Variants in ASTN2 observed in about 807,000 individuals in gnomAD.
ASTN2 encodes astrotactin-2.
In ASTN2, 54 loss-of-function variants were observed where a neutral mutation model predicts 139.8. The observed-to-expected ratio is 0.39, with a 90% CI of 0.31 to 0.48. The LOEUF (loss-of-function observed/expected upper bound fraction) is 0.48. Among genes scored for constraint, ASTN2 ranks in the 20% least tolerant of loss-of-function variants. ASTN2 has a pLI of 0.95. For missense variants in ASTN2, 1,565 were observed against 1,725.1 expected, an observed-to-expected ratio of 0.91 and a Z score of 1.64; for synonymous variants, 756 against 719.5, an observed-to-expected ratio of 1.05 and a Z score of -0.81.
At chr9:116,967,921 C>T (rs184102898) in intron 10 of ASTN2, among the ~76,000 whole-genome samples, 3 of 152,324 alleles carry the variant, frequency 2.0e-5, no homozygotes, top group African/African-American at 7.2e-5. Context: ...TTATACCGCT[C>T]TGAACCATGA....
Position 117,099,705 on chromosome 9 carries a change from C to G in ASTN2, c.1169-3554G>C, listed in dbSNP as rs535154972. Reference sequence around the variant, plus strand: ...AGAAATTAAATATTTTGTCCAGGGTCACAGCTTGTAAGTAGCAGAACCACG... The same window carrying G: ...AGAAATTAAATATTTTGTCCAGGGTGACAGCTTGTAAGTAGCAGAACCACG... On this transcript the variant is annotated intron_variant, in intron 4 of 22. Coordinates refer to ENST00000313400, the MANE Select transcript of ASTN2 (RefSeq NM_001365068.1). Among the ~76,000 whole-genome samples, 48 of 152,264 alleles carry G rather than the reference C, an allele frequency of 3.2e-4. No homozygotes were observed. In the Middle Eastern group the frequency reaches 0.01, roughly 32 times the overall value.
chr9:117,301,101 AATAG>A (rs1274872216), intron 1 of ASTN2, among the ~76,000 whole-genome samples: 5 of 152,186 alleles, frequency 3.3e-5, no homozygotes, highest in Non-Finnish European at 1.5e-5. Flanking sequence ...TAGATTTGGA[AATAG>A]ATAGAGGGTT....
intron 4 of ASTN2, among the ~76,000 whole-genome samples, chr9:117,099,626 A>G (rs778568497): frequency 2.0e-4 from 30 of 152,192 alleles, no homozygotes; most frequent in Non-Finnish European, 3.4e-4. Context: ...GAACCCTAGG[A>G]GATAGGTTAC....
chr9:116,766,803 T>TC (rs1829822383), intron 13 of ASTN2, among the ~76,000 whole-genome samples: 1 of 149,878 alleles, frequency 6.7e-6, no homozygotes, highest in Non-Finnish European at 1.5e-5. Flanking sequence ...CACACACACA[T>TC]TCATACACAT....
intron 2 of ASTN2, among the ~76,000 whole-genome samples, chr9:117,283,325 G>C (rs2130770269): frequency 6.6e-6 from 1 of 152,264 alleles, no homozygotes; most frequent in South Asian, 2.1e-4. Context: ...AAACCATGTT[G>C]TTGAAGCAAG....
At chr9:117,345,882 C>T (rs7470937) in intron 1 of ASTN2, among the ~76,000 whole-genome samples, 2 of 151,958 alleles carry the variant, frequency 1.3e-5, no homozygotes, top group East Asian at 1.9e-4. Flanking sequence ...CTGCAGTTTT[C>T]TTATTAGACC....
chr9:116,451,420 G>C (rs1182645688), intron 20 of ASTN2, among the ~76,000 whole-genome samples: 1 of 151,770 alleles, frequency 6.6e-6, no homozygotes, highest in African/African-American at 2.4e-5. Flanking sequence ...CTAGGTGCTG[G>C]GCATTCTGCT....
At chr9:116,639,372 T>C (rs1857221585) in intron 17 of ASTN2, among the ~76,000 whole-genome samples, 1 of 152,228 alleles carries the variant, frequency 6.6e-6, no homozygotes, top group Non-Finnish European at 1.5e-5. Context: ...TGACCATCTG[T>C]GTAATGGTAC....
At chr9:116,950,557 AT>A (rs1835528759) in intron 10 of ASTN2, among the ~76,000 whole-genome samples, 1 of 152,212 alleles carries the variant, frequency 6.6e-6, no homozygotes, top group African/African-American at 2.4e-5. Context: ...CTGAAAGAAC[AT>A]AGCAAATACT....
intron 11 of ASTN2, among the ~76,000 whole-genome samples, chr9:116,847,404 G>C (rs12377370): frequency 6.6e-6 from 1 of 152,002 alleles, no homozygotes; most frequent in Non-Finnish European, 1.5e-5. Context: ...ATGAGCCACC[G>C]TGCCCAGCTG....
At chr9:117,325,651 CAGGGATTACAGGA>C (rs2130839328) in intron 1 of ASTN2, among the ~76,000 whole-genome samples, 1 of 152,192 alleles carries the variant, frequency 6.6e-6, no homozygotes, top group African/African-American at 2.4e-5. Flanking sequence ...GATAGACATG[CAGGGATTACAGGA>C]AGGGAAAAAT....
At chr9:117,382,716 A>C (rs1437189119) in intron 1 of ASTN2, among the ~76,000 whole-genome samples, 2 of 152,186 alleles carry the variant, frequency 1.3e-5, no homozygotes, top group Non-Finnish European at 2.9e-5. Context: ...CAGCAGGAAA[A>C]TAGACCACGA....
chr9:116,906,082 C>G (rs1485179063), intron 10 of ASTN2, among the ~76,000 whole-genome samples: 1 of 152,102 alleles, frequency 6.6e-6, no homozygotes, highest in African/African-American at 2.4e-5. Context: ...GAGAGACCTC[C>G]TGTGCCTCAC....
chr9:117,036,982 T>C (rs1007854998), intron 6 of ASTN2, among the ~76,000 whole-genome samples: 1 of 152,160 alleles, frequency 6.6e-6, no homozygotes, highest in Non-Finnish European at 1.5e-5. Flanking sequence ...TTTTCCTTGA[T>C]TCAGTATCTG....
chr9:116,837,247 G>A (rs943309), intron 11 of ASTN2, among the ~76,000 whole-genome samples: 29,900 of 152,078 alleles, frequency 0.2, 3,297 homozygotes, highest in East Asian at 0.49. Context: ...ATGTGGAGGC[G>A]TGCCTCTTTG....
chr9:116,522,047 A>G (rs967416296), intron 19 of ASTN2, among the ~76,000 whole-genome samples: 1 of 152,152 alleles, frequency 6.6e-6, no homozygotes, highest in African/African-American at 2.4e-5. Context: ...AAAATGAAAC[A>G]CTTTTACATT....
intron 17 of ASTN2, among the ~76,000 whole-genome samples, chr9:116,632,156 GACA>G (rs1564168641): frequency 1.4e-3 from 68 of 49,984 alleles, no homozygotes; most frequent in African/African-American, 5.4e-3. Flanking sequence ...GAGAGAGAGA[GACA>G]GAGAGAGAGA....
intron 19 of ASTN2, among the ~76,000 whole-genome samples, chr9:116,615,877 A>C (rs957671040): frequency 6.6e-6 from 1 of 152,100 alleles, no homozygotes; most frequent in Admixed American, 6.6e-5. Context: ...AGTATAATAA[A>C]AAAAATAAAA....
intron 13 of ASTN2, among the ~76,000 whole-genome samples, chr9:116,777,565 CG>C (rs1564261448): frequency 6.6e-6 from 1 of 152,012 alleles, no homozygotes; most frequent in East Asian, 1.9e-4. Context: ...GCATGTGAGG[CG>C]GGGTGGGAGA....
Sources: gnomAD v4.1 joint callset for allele counts (sites outside exome capture counted in the v4.1 genomes callset) on GRCh38, gnomAD v4.1.1 for gene constraint, MANE v1.5 for transcripts, NCBI Gene and HGNC (gene_info 2026-07-23, HGNC 2026-07-21) for gene names.